Variants in ATP6V0A1 observed in about 807,000 individuals in gnomAD.
ATP6V0A1 encodes the protein V-type proton ATPase 116 kDa subunit a 1.
ATP6V0A1 carries 43 observed loss-of-function variants against 105.4 expected under a neutral mutation model. The observed-to-expected ratio is 0.41, with a 90% CI of 0.32 to 0.53. The LOEUF (loss-of-function observed/expected upper bound fraction) is 0.53. ATP6V0A1 is among the 20% of genes least tolerant of loss of function. ATP6V0A1 has a pLI of 0.30. For missense variants in ATP6V0A1, 676 were observed against 1,051.1 expected, an observed-to-expected ratio of 0.64 and a Z score of 4.93; for synonymous variants, 362 against 372.8, an observed-to-expected ratio of 0.97 and a Z score of 0.33.
At chr17:42,513,832 A>G (rs377618858) in intron 19 of ATP6V0A1, 29 bp from the exon 20 acceptor site, 24 of 1,596,530 alleles carry the variant, frequency 1.5e-5, no homozygotes, top group Admixed American at 6.7e-5. Flanking sequence ...CTAGCCTTAT[A>G]TCTTCTCTCT....
At chr17:42,487,921 C>G (rs1180542827) in intron 10 of ATP6V0A1, among the ~76,000 whole-genome samples, 1 of 152,082 alleles carries the variant, frequency 6.6e-6, no homozygotes, top group Non-Finnish European at 1.5e-5. Context: ...GTGGAGACTG[C>G]AGTTCAGAGA....
At chr17:42,507,325 G>C in intron 17 of ATP6V0A1, 195 bp from the exon 18 acceptor site, 1 of 520,670 alleles carries the variant, frequency 1.9e-6, no homozygotes, top group African/African-American at 1.9e-5. Flanking sequence ...TTGTAGGTTG[G>C]GCTGGGGCTG....
Position 42,498,950 on chromosome 17 carries a change from G to A in ATP6V0A1, c.1587G>A (p.Leu529=), listed in dbSNP as rs1021000106. 1.2e-6 allele frequency: 2 copies of A among 1,612,572 alleles called. No individual in the cohort carries two copies. The highest frequency in any genetic ancestry group is 3.3e-5 in the Admixed American group (2 of 59,962). The change falls in exon 15 of 22, where the codon CTG becomes CTA. Residue 529 remains leucine, a synonymous_variant. Transcript: ENST00000343619. ...TTTGGAACATTGCTACCAATAAACT[G>A]ACGTTCTTGAACTCCTTTAAGATGA... ...DPIWNIATNK[L]TFLNSFKMKM...
chr17:42,486,555 C>T (rs566309694), intron 9 of ATP6V0A1, among the ~76,000 whole-genome samples: 1 of 152,200 alleles, frequency 6.6e-6, no homozygotes, highest in Admixed American at 6.5e-5. Flanking sequence ...ACCATTTTTT[C>T]CTCTGATGAG....
chr17:42,495,344 A>C (rs1448168686), intron 13 of ATP6V0A1, among the ~76,000 whole-genome samples, 156 bp downstream of exon 13: 9 of 152,120 alleles, frequency 5.9e-5, no homozygotes, highest in Non-Finnish European at 1.3e-4. Context: ...TTTGTTCAGC[A>C]AGTATCCAGG....
At chr17:42,516,310 G>A (rs1275092310) in intron 21 of ATP6V0A1, among the ~76,000 whole-genome samples, 2 of 152,144 alleles carry the variant, frequency 1.3e-5, no homozygotes, top group Non-Finnish European at 2.9e-5. Context: ...TGGGCGGAGA[G>A]TGAGGCATGG....
In ATP6V0A1 at chr17:42,501,238, T is replaced by C; in HGVS notation, c.1938T>C (p.Cys646=). Residue 646 remains cysteine, a synonymous_variant, in exon 17 of 22, where the codon TGT becomes TGC. Coordinates refer to ENST00000343619, the MANE Select transcript of ATP6V0A1 (RefSeq NM_001130021.3). ...TCCTGGTAGTGGTTGCACTACTGTG[T>C]GTACCTTGGATGCTGCTGTTTAAAC... ...QCFLVVVALL[C]VPWMLLFKPL... 6.2e-7 allele frequency: 1 copy of C among 1,614,160 alleles called. No individual in the cohort carries two copies. The highest frequency in any genetic ancestry group is 8.5e-7 in the Non-Finnish European group (1 of 1,180,004).
chr17:42,463,430 T>C (rs1049856553), intron 2 of ATP6V0A1, among the ~76,000 whole-genome samples: 1 of 152,208 alleles, frequency 6.6e-6, no homozygotes, highest in Non-Finnish European at 1.5e-5. Context: ...TCTTGAATTA[T>C]ATGTAAACGA....
At chr17:42,483,182 G>A (rs773467067) in intron 9 of ATP6V0A1, 51 bp downstream of exon 9, 19 of 1,335,670 alleles carry the variant, frequency 1.4e-5, no homozygotes, top group Non-Finnish European at 1.7e-5. Flanking sequence ...TGGAATACGA[G>A]ACCATTATCC....
In ATP6V0A1 at chr17:42,487,214, C is replaced by A. The variant is rs1251305164; in HGVS notation, c.870C>A (p.Ile290=). 3 of 1,614,176 alleles carry A rather than the reference C, an allele frequency of 1.9e-6. No individual in the cohort carries two copies. The highest frequency in any genetic ancestry group is 2.5e-6 in the Non-Finnish European group (3 of 1,180,026). The change falls in exon 10 of 22, where the codon ATC becomes ATA. Residue 290 remains isoleucine (I), a synonymous_variant. Transcript: ENST00000343619. ...QRVLQAAAKN[I]RVWFIKVRKM... is the part of the protein sequence containing the mutation. The stretch of plus-strand genomic sequence containing the variant: ...TTCTGCAGGCAGCTGCTAAGAACAT[C>A]CGTGTCTGGTTCATCAAAGTGCGGA...
intron 2 of ATP6V0A1, among the ~76,000 whole-genome samples, chr17:42,463,066 T>C (rs1184347329): frequency 1.5e-5 from 2 of 133,242 alleles, no homozygotes; most frequent in African/African-American, 2.8e-5. Flanking sequence ...AGTGTAGTGG[T>C]GCGATCTTGG....
chr17:42,469,802 C>T (rs1298926224), intron 4 of ATP6V0A1, among the ~76,000 whole-genome samples: 1 of 151,944 alleles, frequency 6.6e-6, no homozygotes, highest in Non-Finnish European at 1.5e-5. Flanking sequence ...GCCAGCACGC[C>T]CAGCTAATTT....
In ATP6V0A1 at chr17:42,460,937, C is replaced by G; in HGVS notation, c.43C>G (p.Leu15Val). ...FRSEEMTLAQ[L>V]FLQSEAAYCC... ...GAGTGAAGAAATGACACTGGCCCAGCTTTTTCTACAGTCAGAGGCTGCTTA... is the reference window on the plus strand; with the variant it reads ...GAGTGAAGAAATGACACTGGCCCAGGTTTTTCTACAGTCAGAGGCTGCTTA... Residue 15 changes from leucine (L) to valine (V), a missense_variant, in exon 2 of 22, where the codon CTT becomes GTT. This residue lies in a region of ATP6V0A1 where 239 missense variants were observed against 388.4 expected (regional missense o/e 0.62). Transcript: ENST00000343619. The G allele has an allele frequency of 6.2e-7, 1 of 1,614,008 alleles. No individual in the cohort carries two copies. The highest frequency in any genetic ancestry group is 8.5e-7 in the Non-Finnish European group (1 of 1,179,978).
chr17:42,461,021 T>A lies in ATP6V0A1; in HGVS notation c.117+10T>A. ...GGTTCAGTTTCGTGACGTAAGTAGT[T>A]GTGGGGCTGCGACTTGATTACTGCT... On this transcript the variant is annotated intron_variant, in intron 2 of 21. Transcript: ENST00000343619. 6.2e-7 allele frequency: 1 copy of A among 1,604,494 alleles called. No homozygotes were observed. The highest frequency in any genetic ancestry group is 1.1e-5 in the South Asian group (1 of 90,906).
At position 42,490,644 on chromosome 17, in the gene ATP6V0A1, A is replaced by G. The variant is rs1463977174; in HGVS notation, c.1174+7A>G. 2 of 1,578,714 alleles carry G rather than the reference A, an allele frequency of 1.3e-6. No individual in the cohort carries two copies. Among genetic ancestry groups the G allele is most frequent in the Admixed American group, 4.0e-5 (2 of 49,504 alleles). On this transcript the variant is annotated splice_region_variant and intron_variant, in intron 11 of 21. Transcript: ENST00000343619. ...TACCGAGAGATAAATCCAGGTAAAA[A>G]AAAGCTTGTTATCTTTTTCCTCTAG...
intron 21 of ATP6V0A1, chr17:42,520,138 A>G (rs1447466279): frequency 1.1e-5 from 3 of 270,804 alleles, no homozygotes; most frequent in Non-Finnish European, 2.2e-5. Context: ...GCCTGTTCTT[A>G]TAGGGGCTCC....
chr17:42,498,160 C>CA (rs544054142), intron 14 of ATP6V0A1, among the ~76,000 whole-genome samples: 102 of 151,794 alleles, frequency 6.7e-4, no homozygotes, highest in African/African-American at 2.3e-3. Flanking sequence ...TGAGGCAAGG[C>CA]AGGAGGTGGA....
Position 42,507,625 on chromosome 17 carries a change from G to C in ATP6V0A1, c.2110G>C (p.Glu704Gln), listed in dbSNP as rs1319070308. 6.2e-7 allele frequency: 1 copy of C among 1,613,454 alleles called. No individual in the cohort carries two copies. ...QLSTHSEDAD[E>Q]PSEDEVFDFG... The stretch of plus-strand genomic sequence containing the variant: ...CTCCACCCACTCAGAGGACGCAGAC[G>C]AGGTAAGATCCCGTGGTGTGGGCTT... The change falls in exon 18 of 22, where the codon GAG (glutamate) becomes CAG (glutamine). Residue 704 changes from glutamate (E) to glutamine (Q), a missense_variant and splice_region_variant. Around this residue, in one of 3 missense-constraint regions of ATP6V0A1, gnomAD observed 435 missense variants for 642.2 expected, o/e 0.68. Coordinates refer to ENST00000343619, the MANE Select transcript of ATP6V0A1 (RefSeq NM_001130021.3).
At position 42,516,154 on chromosome 17, in the gene ATP6V0A1, G is replaced by A. The variant is rs141479018; in HGVS notation, c.2420+1694G>A. ...TCAAGGCCAGAAGAGGACTATGAAT[G>A]TCTCTCTTCGTTCTCAAAACCTGAA... On this transcript the variant is annotated intron_variant, in intron 21 of 21. Coordinates refer to ENST00000343619, the MANE Select transcript of ATP6V0A1 (RefSeq NM_001130021.3). 1.2e-3 allele frequency among the ~76,000 whole-genome samples: 179 copies of A among 152,284 alleles called. 1 individual carries two copies. Among genetic ancestry groups the A allele is most frequent in the African/African-American group, 4.2e-3 (176 of 41,564 alleles).
Sources: gnomAD v4.1 joint callset for allele counts (sites outside exome capture counted in the v4.1 genomes callset) on GRCh38, gnomAD v4.1.1 for gene constraint, gnomAD v4.1.1 regional missense constraint, MANE v1.5 for transcripts, NCBI Gene and HGNC (gene_info 2026-07-23, HGNC 2026-07-21) for gene names.